HNRNPLL: variants seen among roughly 807,000 people sequenced by gnomAD.
HNRNPLL encodes the protein heterogeneous nuclear ribonucleoprotein L-like.
A neutral mutation model predicts 67.1 loss-of-function variants in HNRNPLL; 25 were observed. The observed-to-expected ratio is 0.37, with a 90% CI of 0.27 to 0.52. The LOEUF is 0.52. HNRNPLL is among the 20% of genes least tolerant of loss of function. The probability of loss-of-function intolerance (pLI) is 0.90; values close to 1 mark genes in which losing one functional copy is unlikely to be tolerated. For missense variants in HNRNPLL, 542 were observed against 673.9 expected (o/e 0.80, Z 2.17); for synonymous variants, 267 against 241.7 (o/e 1.10, Z -0.97).
At chr2:38,597,074 C>T (rs1337620531) in intron 1 of HNRNPLL, among the ~76,000 whole-genome samples, 2 of 152,114 alleles carry the variant, frequency 1.3e-5, no homozygotes, top group African/African-American at 2.4e-5. Context: ...CACAGCAATA[C>T]TAACTTTAAA....
At chr2:38,595,838 C>T (rs1179190980) in intron 1 of HNRNPLL, among the ~76,000 whole-genome samples, 2 of 151,254 alleles carry the variant, frequency 1.3e-5, no homozygotes, top group African/African-American at 2.4e-5. Context: ...AGCGAGACTC[C>T]GTCTCAAAAA....
intron 3 of HNRNPLL, among the ~76,000 whole-genome samples, chr2:38,584,658 T>TGAG (rs949113108): frequency 5.9e-5 from 9 of 152,106 alleles, no homozygotes; most frequent in Admixed American, 3.3e-4. Flanking sequence ...AGAACAACTC[T>TGAG]GGTACTCATT....
intron 1 of HNRNPLL, among the ~76,000 whole-genome samples, chr2:38,595,293 A>AAAAAG (rs1558546753): frequency 3.4e-5 from 5 of 147,830 alleles, no homozygotes; most frequent in Non-Finnish European, 6.0e-5. Flanking sequence ...AAAAAAAAAA[A>AAAAAG]AAAAGAAAAG....
In HNRNPLL at chr2:38,569,227, G is replaced by A. The variant is rs1192274309; in HGVS notation, c.1322C>T (p.Ala441Val). 15 of 1,612,666 alleles carry A rather than the reference G, an allele frequency of 9.3e-6. No individual in the cohort carries two copies. The highest frequency in any genetic ancestry group is 2.2e-5 in the East Asian group (1 of 44,858). ...GATTATATTCTTAGATGCTTGGCCA[G>A]CACTTGTAAAGCGATTATTTTTGCT... Reference protein sequence around the residue: ...AMSKNNRFTSAGQASKNIIQP... With the variant: ...AMSKNNRFTSVGQASKNIIQP... The change falls in exon 10 of 13, where the codon GCT becomes GTT. Residue 441 changes from alanine (A) to valine (V), a missense_variant. Physicochemically the swap from Ala to Val is moderately conservative, Grantham distance 64 (BLOSUM62 0). Coordinates refer to ENST00000449105, the MANE Select transcript of HNRNPLL (RefSeq NM_138394.4).
chr2:38,599,200 T>C (rs1462947310), intron 1 of HNRNPLL, among the ~76,000 whole-genome samples: 1 of 152,250 alleles, frequency 6.6e-6, no homozygotes, highest in African/African-American at 2.4e-5. Context: ...CATTTTGCCA[T>C]CTTTCACGTC....
intron 2 of HNRNPLL, among the ~76,000 whole-genome samples, chr2:38,587,426 G>A (rs371224503): frequency 6.6e-6 from 1 of 152,194 alleles, no homozygotes; most frequent in East Asian, 1.9e-4. Context: ...ACAGAGCCTA[G>A]CATATATTTG....
intron 6 of HNRNPLL, chr2:38,581,547 C>T: frequency 3.3e-6 from 1 of 306,640 alleles, no homozygotes; most frequent in East Asian, 5.7e-5. Flanking sequence ...CCTCGTCCAG[C>T]TTGGGGGAAA....
chr2:38,602,630 G>A lies in HNRNPLL; in HGVS notation c.-4C>T. Reference sequence around the variant, plus strand: ...GGGAGGAAGAGGAGGAGGACATGGCGGCGGCCGGAGGGACCGGCTGGCAGG... The same window carrying A: ...GGGAGGAAGAGGAGGAGGACATGGCAGCGGCCGGAGGGACCGGCTGGCAGG... On this transcript the variant is annotated 5_prime_UTR_variant, in exon 1 of 13. Coordinates refer to ENST00000449105, the MANE Select transcript of HNRNPLL (RefSeq NM_138394.4). 1.3e-6 allele frequency: 2 copies of A among 1,510,974 alleles called. No individual in the cohort carries two copies. The highest frequency in any genetic ancestry group is 1.4e-5 in the African/African-American group (1 of 69,836). 93.6% of individuals were successfully genotyped at this position (1,510,974 alleles called of 1,614,324 possible).
In HNRNPLL at chr2:38,599,861, A is replaced by C. The variant is rs1390399498; in HGVS notation, c.189+2577T>G. On this transcript the variant is annotated intron_variant, in intron 1 of 12. Coordinates refer to ENST00000449105, the MANE Select transcript of HNRNPLL (RefSeq NM_138394.4). ...CTTACTTTGCACTTTACAAACTTCC[A>C]ACTAGAGTTGAAAAGAATGCCATCA... is the stretch of plus-strand genomic sequence containing the variant. The C allele has an allele frequency of 8.5e-6, 4 of 470,080 alleles. No individual in the cohort carries two copies. In the Admixed American group the frequency reaches 9.5e-5, roughly 11 times the overall value. The allele number at this position is 470,080 out of a possible 1,614,324, so 29.1% of individuals were successfully genotyped here.
At chr2:38,574,076 T>C (rs1327330264) in intron 7 of HNRNPLL, among the ~76,000 whole-genome samples, 1 of 151,922 alleles carries the variant, frequency 6.6e-6, no homozygotes, top group East Asian at 1.9e-4. Flanking sequence ...TGCCTGAGTA[T>C]CTAAAACTAT....
rs1181626565 is a variant in HNRNPLL, at chr2:38,569,135, T to C, written c.1414A>G (p.Lys472Glu). ...PLCVTEETFTKLCNDHEVLTF... is the reference protein window; with the variant it reads ...PLCVTEETFTELCNDHEVLTF... ...CACATTTGTATTTCAGTGCCTACCT[T>C]TGTGAAGGTCTCTTCTGTGACACAC... Residue 472 changes from lysine to glutamate, a missense_variant and splice_region_variant, in exon 10 of 13, where the codon AAG (lysine) becomes GAG (glutamate). By Grantham distance (56) the Lys-to-Glu change is moderately conservative. Around this residue, in one of 2 missense-constraint regions of HNRNPLL, gnomAD observed 415 missense variants for 575.2 expected, o/e 0.72. Transcript: ENST00000449105. 1.9e-6 allele frequency: 3 copies of C among 1,594,586 alleles called. No individual in the cohort carries two copies. The highest frequency in any genetic ancestry group is 1.1e-5 in the South Asian group (1 of 90,720).
intron 4 of HNRNPLL, among the ~76,000 whole-genome samples, chr2:38,582,442 C>T (rs547959443): frequency 6.6e-6 from 1 of 152,276 alleles, no homozygotes; most frequent in East Asian, 1.9e-4. Context: ...TCCCAAGTAG[C>T]TGGGACTACA....
intron 7 of HNRNPLL, among the ~76,000 whole-genome samples, chr2:38,576,065 G>T (rs558857748): frequency 6.6e-6 from 1 of 151,622 alleles, no homozygotes; most frequent in African/African-American, 2.4e-5. Context: ...TTTTGGCAGG[G>T]TATATAACAG....
intron 1 of HNRNPLL, among the ~76,000 whole-genome samples, chr2:38,592,985 C>A (rs1390957143): frequency 6.6e-6 from 1 of 152,052 alleles, no homozygotes; most frequent in Non-Finnish European, 1.5e-5. Context: ...AAATGGAGTG[C>A]CCTGCCAGTA....
At chr2:38,569,736 G>T in intron 9 of HNRNPLL, 68 bp downstream of exon 9, 1 of 794,236 alleles carries the variant, frequency 1.3e-6, no homozygotes, top group Non-Finnish European at 1.9e-6. Context: ...TGACATTAAT[G>T]TCTCTAATAA....
intron 12 of HNRNPLL, chr2:38,566,065 A>G (rs1349323893): frequency 2.0e-6 from 2 of 988,060 alleles, no homozygotes; most frequent in Non-Finnish European, 2.4e-6. Context: ...AAAGTAAATT[A>G]CACAGCAAAA....
At chr2:38,592,280 A>T (rs1266264804) in intron 1 of HNRNPLL, among the ~76,000 whole-genome samples, 1 of 152,052 alleles carries the variant, frequency 6.6e-6, no homozygotes, top group Admixed American at 6.5e-5. Context: ...ATACTCATTA[A>T]CCTCCATAAA....
chr2:38,575,127 C>G (rs367603484), intron 7 of HNRNPLL, among the ~76,000 whole-genome samples: 1 of 151,696 alleles, frequency 6.6e-6, no homozygotes, highest in African/African-American at 2.4e-5. Context: ...TAAGTAACAA[C>G]CAAAATCAGT....
intron 2 of HNRNPLL, among the ~76,000 whole-genome samples, chr2:38,591,321 AC>A (rs1666950362): frequency 6.6e-6 from 1 of 152,222 alleles, no homozygotes; most frequent in Non-Finnish European, 1.5e-5. Context: ...TCATAGCTCC[AC>A]AAAAATACAC....
Sources: allele counts gnomAD v4.1 joint callset (sites outside exome capture counted in the v4.1 genomes callset), GRCh38; gene constraint gnomAD v4.1.1; regional missense constraint gnomAD v4.1.1; transcripts MANE v1.5; gene names NCBI Gene and HGNC (gene_info 2026-07-23, HGNC 2026-07-21).